The following EGFR variants were observed in gnomAD, a reference collection of about 807,000 sequenced individuals.
EGFR encodes the protein avian erythroblastic leukemia viral (v-erb-b) oncogene homolog.
A neutral mutation model predicts 143.0 loss-of-function variants in EGFR; 58 were observed. The ratio of observed to expected loss-of-function variants is 0.41; its 90% CI spans 0.33 to 0.50. The LOEUF (loss-of-function observed/expected upper bound fraction) is 0.50, where lower values mean the gene tolerates loss of function less well. EGFR is among the 20% of genes least tolerant of loss of function. EGFR has a pLI of 0.39. For synonymous variants in EGFR, 613 were observed against 594.4 expected (o/e 1.03, Z -0.45); for missense variants, 1,307 against 1,579.0 (o/e 0.83, Z 2.92).
intron 10 of EGFR, among the ~76,000 whole-genome samples, chr7:55,157,247 A>G (rs1785470568): frequency 6.6e-6 from 1 of 152,258 alleles, no homozygotes; most frequent in African/African-American, 2.4e-5. Context: ...CCTCTCTAAA[A>G]TGGGAAGATT....
chr7:55,103,006 A>G (rs1361029328), intron 1 of EGFR, among the ~76,000 whole-genome samples: 1 of 152,234 alleles, frequency 6.6e-6, no homozygotes, highest in African/African-American at 2.4e-5. Context: ...ATACTTCTGT[A>G]TAGTTTCTTC....
chr7:55,074,582 A>T (rs1015559741), intron 1 of EGFR, among the ~76,000 whole-genome samples: 1 of 152,232 alleles, frequency 6.6e-6, no homozygotes, highest in African/African-American at 2.4e-5. Flanking sequence ...AATTATTTTA[A>T]ATATCGTCTT....
rs1356197849 is a variant in EGFR at position 55,063,324 on chromosome 7, T to TGAAC, written c.88+43959_88+43960insGAAC. ...TGAATCCTCTTCCCTGGTGAAGTCA[T>TGAAC]TTAGGTTCAGGCTCTTATTTTACTT... On this transcript the variant is annotated intron_variant, in intron 1 of 27. Coordinates refer to ENST00000275493, the MANE Select transcript of EGFR (RefSeq NM_005228.5). Among the ~76,000 whole-genome samples the TGAAC allele has an allele frequency of 2.0e-5, 3 of 152,272 alleles. No homozygotes were observed. The South Asian group carries it at 6.2e-4, about 32-fold the overall frequency.
intron 18 of EGFR, 54 bp from the exon 19 acceptor site, chr7:55,174,668 T>C (rs2128954445): frequency 7.0e-7 from 1 of 1,425,862 alleles, no homozygotes; most frequent in African/African-American, 1.4e-5. Flanking sequence ...CTGGGCAGCA[T>C]GTGGCACCAT....
intron 1 of EGFR, among the ~76,000 whole-genome samples, chr7:55,123,026 G>T (rs1419014706): frequency 1.3e-5 from 2 of 152,230 alleles, no homozygotes; most frequent in Non-Finnish European, 2.9e-5. Context: ...AATTCACATG[G>T]TGGGATATTT....
At chr7:55,061,051 C>T (rs1168285355) in intron 1 of EGFR, among the ~76,000 whole-genome samples, 1 of 152,204 alleles carries the variant, frequency 6.6e-6, no homozygotes, top group Admixed American at 6.5e-5. Flanking sequence ...GAGGTGCAAA[C>T]ACAGCCCATG....
At chr7:55,203,919 A>T (rs1440700064) in intron 27 of EGFR, among the ~76,000 whole-genome samples, 1 of 151,174 alleles carries the variant, frequency 6.6e-6, no homozygotes, top group Admixed American at 6.6e-5. Context: ...TCTATGTCAT[A>T]TATATCAAAA....
chr7:55,153,474 A>G (rs11760524), intron 6 of EGFR, among the ~76,000 whole-genome samples: 15,005 of 152,254 alleles, frequency 0.099, 841 homozygotes, highest in Middle Eastern at 0.19. Flanking sequence ...AGACCCAGGA[A>G]TTGTGACTTG....
intron 1 of EGFR, among the ~76,000 whole-genome samples, chr7:55,059,827 G>C (rs569751691): frequency 6.6e-6 from 1 of 152,148 alleles, no homozygotes. Flanking sequence ...TTTCTTATGC[G>C]TTACATCGTC....
intron 1 of EGFR, among the ~76,000 whole-genome samples, chr7:55,135,664 T>G (rs1186225630): frequency 6.6e-6 from 1 of 152,222 alleles, no homozygotes; most frequent in Non-Finnish European, 1.5e-5. Flanking sequence ...TTTAACCACT[T>G]ATTTCATTAT....
intron 11 of EGFR, among the ~76,000 whole-genome samples, chr7:55,159,435 C>T (rs755310004): frequency 1.2e-4 from 18 of 152,188 alleles, no homozygotes; most frequent in Non-Finnish European, 2.4e-4. Context: ...CATTGGACCA[C>T]CCAATAGCAT....
In EGFR at chr7:55,062,592, T is replaced by C. The variant is rs527423812; in HGVS notation, c.88+43227T>C. 3.9e-5 allele frequency among the ~76,000 whole-genome samples: 6 copies of C among 152,322 alleles called. No individual in the cohort carries two copies. The East Asian group carries it at 1.2e-3, about 29-fold the overall frequency. ...CTGAATATAACTCCATGGTGCTTGCTTCCATTATATTTGTGCCATTTGGAT... is the reference window on the plus strand; with the variant it reads ...CTGAATATAACTCCATGGTGCTTGCCTCCATTATATTTGTGCCATTTGGAT... On this transcript the variant is annotated intron_variant, in intron 1 of 27. Coordinates refer to ENST00000275493, the MANE Select transcript of EGFR (RefSeq NM_005228.5).
chr7:55,202,670 AC>A (rs758804482), intron 27 of EGFR, 45 bp downstream of exon 27: 2 of 1,551,642 alleles, frequency 1.3e-6, no homozygotes, highest in African/African-American at 2.7e-5. Context: ...AACCTCCTCG[AC>A]CCACTCAGCA....
At chr7:55,054,894 A>G (rs1485082612) in intron 1 of EGFR, among the ~76,000 whole-genome samples, 1 of 152,204 alleles carries the variant, frequency 6.6e-6, no homozygotes, top group Non-Finnish European at 1.5e-5. Flanking sequence ...CCAGCAGCCC[A>G]GCCTCGTTGC....
chr7:55,204,741 C>A (rs1413960824), intron 27 of EGFR, among the ~76,000 whole-genome samples: 1 of 147,314 alleles, frequency 6.8e-6, no homozygotes, highest in African/African-American at 2.5e-5. Flanking sequence ...ACACACAACT[C>A]ATACCACACA....
At chr7:55,167,652 C>T (rs73137522) in intron 15 of EGFR, among the ~76,000 whole-genome samples, 19,823 of 80,896 alleles carry the variant, frequency 0.25, 1,955 homozygotes, top group East Asian at 0.43. Flanking sequence ...ATGGTAGTGG[C>T]GATGATGGTG....
Position 55,163,810 on chromosome 7 carries a change from C to G in EGFR, c.1709C>G (p.Thr570Ser), listed in dbSNP as rs774558548. The G allele has an allele frequency of 2.5e-6, 4 of 1,614,234 alleles. No individual in the cohort carries two copies. The highest frequency in any genetic ancestry group is 1.6e-4 in the Middle Eastern group (1 of 6,062). Reference sequence around the variant, plus strand: ...TGCCTGCCTCAGGCCATGAACATCACCTGCACAGGACGGGTAAGAGCCCCT... The same window carrying G: ...TGCCTGCCTCAGGCCATGAACATCAGCTGCACAGGACGGGTAAGAGCCCCT... ...PECLPQAMNITCTGRGPDNCI... is the reference protein window; with the variant it reads ...PECLPQAMNISCTGRGPDNCI... Residue 570 changes from threonine (T) to serine (S), a missense_variant, in exon 14 of 28, where the codon ACC becomes AGC. By Grantham distance (58) the Thr-to-Ser change is moderately conservative (BLOSUM62 1). Transcript: ENST00000275493.
intron 24 of EGFR, 147 bp from the exon 25 acceptor site, chr7:55,201,041 A>C (rs1033181332): frequency 5.2e-5 from 50 of 956,258 alleles, no homozygotes; most frequent in Non-Finnish European, 9.8e-6. Flanking sequence ...GGAGGCAGCT[A>C]TAATTTAGAG....
chr7:55,149,080 ATATG>A (rs1794904518), intron 4 of EGFR, among the ~76,000 whole-genome samples: 1 of 152,180 alleles, frequency 6.6e-6, no homozygotes, highest in African/African-American at 2.4e-5. Flanking sequence ...TATTTAATAT[ATATG>A]TAAGTGCCAG....
Sources: gnomAD v4.1 joint callset for allele counts (sites outside exome capture counted in the v4.1 genomes callset) on GRCh38, gnomAD v4.1.1 for gene constraint, MANE v1.5 for transcripts, NCBI Gene and HGNC (gene_info 2026-07-23, HGNC 2026-07-21) for gene names.